The following KANSL1 variants were observed in gnomAD, a reference collection of about 807,000 sequenced individuals.
KANSL1 encodes MLL1/MLL complex subunit KANSL1.
KANSL1 carries 22 observed loss-of-function variants against 103.6 expected under a neutral mutation model. The ratio of observed to expected loss-of-function variants is 0.21; its 90% CI spans 0.15 to 0.30. The LOEUF (loss-of-function observed/expected upper bound fraction) is 0.30. Ranked by LOEUF, KANSL1 falls within the 10% of genes least tolerant of loss-of-function variation. The probability of loss-of-function intolerance (pLI) is 1.00; values close to 1 mark genes in which losing one functional copy is unlikely to be tolerated. For missense variants in KANSL1, 1,337 were observed against 1,399.8 expected (o/e 0.96, Z 0.72); for synonymous variants, 600 against 527.6 (o/e 1.14, Z -1.88).
At chr17:46,122,511 G>T (rs1001227682) in intron 2 of KANSL1, among the ~76,000 whole-genome samples, 2 of 152,170 alleles carry the variant, frequency 1.3e-5, no homozygotes. Flanking sequence ...GAGAAATAAT[G>T]GGGGTGATCT....
intron 2 of KANSL1, among the ~76,000 whole-genome samples, chr17:46,113,896 A>G (rs1428433680): frequency 3.3e-5 from 5 of 152,206 alleles, no homozygotes; most frequent in Admixed American, 2.0e-4. Context: ...CCCACTCAGA[A>G]AGTGCCAAAA....
chr17:46,122,825 C>T (rs9910284), intron 2 of KANSL1, among the ~76,000 whole-genome samples: 55,691 of 151,284 alleles, frequency 0.37, 10,183 homozygotes, highest in Middle Eastern at 0.53. Context: ...CCACGAACCG[C>T]ACCCATAAAA....
intron 6 of KANSL1, among the ~76,000 whole-genome samples, chr17:46,065,402 C>A (rs1040489221): frequency 6.6e-6 from 1 of 152,156 alleles, no homozygotes; most frequent in Non-Finnish European, 1.5e-5. Context: ...AGTGACTAGA[C>A]AGATTTAGCT....
At chr17:46,203,336 A>G (rs2047865951) in intron 1 of KANSL1, among the ~76,000 whole-genome samples, 1 of 152,262 alleles carries the variant, frequency 6.6e-6, no homozygotes, top group Non-Finnish European at 1.5e-5. Context: ...AAATATGACC[A>G]TGCTTGTTAA....
intron 6 of KANSL1, among the ~76,000 whole-genome samples, chr17:46,060,860 G>A (rs1045577802): frequency 6.6e-6 from 1 of 152,178 alleles, no homozygotes; most frequent in Non-Finnish European, 1.5e-5. Flanking sequence ...GATACAATGG[G>A]AAGAAGAGGA....
chr17:46,156,479 C>T (rs1428644122), intron 2 of KANSL1, among the ~76,000 whole-genome samples: 1 of 152,258 alleles, frequency 6.6e-6, no homozygotes, highest in African/African-American at 2.4e-5. Flanking sequence ...TTCCTATCAC[C>T]TCAGCCTACA....
At chr17:46,187,339 C>CA (rs1454014869) in intron 1 of KANSL1, among the ~76,000 whole-genome samples, 2 of 152,214 alleles carry the variant, frequency 1.3e-5, no homozygotes, top group Admixed American at 1.3e-4. Context: ...GTGAGGGACT[C>CA]CATTAAGTTT....
rs367614971 is a variant in KANSL1 at position 46,116,805 on chromosome 17, T to C, written c.1290-22104A>G. On this transcript the variant is annotated intron_variant, in intron 2 of 14. Transcript: ENST00000432791. ...TTTCCATCAGTGAATAAAAGTTGCA[T>C]TACTTTTCCCTTTCACAGCTTGTTG... Among the ~76,000 whole-genome samples, 93 of 152,326 alleles carry C rather than the reference T, an allele frequency of 6.1e-4. No individual in the cohort carries two copies. In the South Asian group the frequency reaches 0.015, roughly 25 times the overall value.
intron 1 of KANSL1, among the ~76,000 whole-genome samples, chr17:46,185,980 A>G (rs1397604867): frequency 2.0e-5 from 3 of 152,206 alleles, no homozygotes; most frequent in African/African-American, 7.2e-5. Context: ...CAGAGGAAAA[A>G]AAAATCATAC....
At chr17:46,187,548 A>T (rs1345082211) in intron 1 of KANSL1, among the ~76,000 whole-genome samples, 1 of 152,244 alleles carries the variant, frequency 6.6e-6, no homozygotes, top group Admixed American at 6.5e-5. Context: ...CTTTAATTCT[A>T]AAAAAATTAC....
chr17:46,168,295 G>A (rs2046106792), intron 2 of KANSL1, among the ~76,000 whole-genome samples: 1 of 152,122 alleles, frequency 6.6e-6, no homozygotes, highest in Admixed American at 6.5e-5. Context: ...CGGTGATCTT[G>A]CTCAACAAGA....
chr17:46,115,505 T>C (rs2043005944), intron 2 of KANSL1, among the ~76,000 whole-genome samples: 1 of 152,128 alleles, frequency 6.6e-6, no homozygotes, highest in Non-Finnish European at 1.5e-5. Context: ...TCCTGAAAGC[T>C]AAACAGAAAT....
chr17:46,052,820 C>T (rs1487348331), intron 6 of KANSL1, among the ~76,000 whole-genome samples: 1 of 139,746 alleles, frequency 7.2e-6, no homozygotes, highest in Non-Finnish European at 1.6e-5. Flanking sequence ...AAAAATTTAG[C>T]CCAGCATGGT....
intron 1 of KANSL1, among the ~76,000 whole-genome samples, chr17:46,184,099 A>G (rs1266308762): frequency 1.3e-5 from 2 of 152,142 alleles, no homozygotes. Flanking sequence ...TAAATATTTA[A>G]TTTAAACATC....
In KANSL1 at chr17:46,050,771, T is replaced by A; in HGVS notation, c.1849-67A>T. 9 of 1,450,918 alleles carry A rather than the reference T, an allele frequency of 6.2e-6. No homozygotes were observed. The South Asian group carries it at 1.0e-4, about 16-fold the overall frequency. The allele number at this position is 1,450,918 out of a possible 1,614,324, so 89.9% of individuals were successfully genotyped here. ...TAAAAAGCCAGCTACCCATTTGTTA[T>A]CCCCATTTGTTATTGAGAAGTTAGC... On this transcript the variant is annotated intron_variant, in intron 6 of 14. Coordinates refer to ENST00000432791, the MANE Select transcript of KANSL1 (RefSeq NM_015443.4).
chr17:46,047,836 G>C lies in KANSL1; in HGVS notation c.2020+2697C>G, dbSNP rs1019814429. ...AAAAAAAACAAAAAAAAAACTTACA[G>C]ACTACCTGGGAGATATTATGAAGAA... On this transcript the variant is annotated intron_variant, in intron 7 of 14. Coordinates refer to ENST00000432791, the MANE Select transcript of KANSL1 (RefSeq NM_015443.4). 4.9e-4 allele frequency among the ~76,000 whole-genome samples: 72 copies of C among 146,592 alleles called. 1 individual carries two copies. The highest frequency in any genetic ancestry group is 1.7e-3 in the African/African-American group (70 of 40,012).
intron 3 of KANSL1, chr17:46,088,395 G>A (rs556728555): frequency 6.6e-6 from 1 of 152,346 alleles, no homozygotes; most frequent in African/African-American, 2.4e-5. Context: ...TGTCTAAAGT[G>A]CTTTAAAAAA....
At chr17:46,113,998 G>T (rs1422861305) in intron 2 of KANSL1, among the ~76,000 whole-genome samples, 2 of 152,126 alleles carry the variant, frequency 1.3e-5, no homozygotes, top group Non-Finnish European at 1.5e-5. Context: ...GGGCCCAAAG[G>T]ATTAAATGAT....
intron 3 of KANSL1, among the ~76,000 whole-genome samples, chr17:46,086,405 TCTAA>T (rs1568431768): frequency 6.6e-6 from 1 of 152,222 alleles, no homozygotes; most frequent in African/African-American, 2.4e-5. Context: ...AAAGTCTGCA[TCTAA>T]CTAATATTTC....
Sources: allele counts gnomAD v4.1 joint callset (sites outside exome capture counted in the v4.1 genomes callset), GRCh38; gene constraint gnomAD v4.1.1; transcripts MANE v1.5; gene names NCBI Gene and HGNC (gene_info 2026-07-23, HGNC 2026-07-21).